NPS: variants seen among roughly 807,000 people sequenced by gnomAD.
NPS encodes neuropeptide S, also known as prepro-neuropeptide S.
In NPS, 6 loss-of-function variants were observed where a neutral mutation model predicts 7.2. The ratio of observed to expected loss-of-function variants is 0.83; its 90% CI spans 0.46 to 1.64. The LOEUF is 1.64. Among genes scored for constraint, NPS ranks in the 40% most tolerant of loss-of-function variants. The pLI is 0.01. For missense variants in NPS, 123 were observed against 97.8 expected (o/e 1.26, Z -1.09); for synonymous variants, 42 against 36.7 (o/e 1.14, Z -0.52).
At chr10:127,552,344 T>A (rs954144774) in intron 2 of NPS, 116 bp from the exon 3 acceptor site, 22 of 668,710 alleles carry the variant, frequency 3.3e-5, no homozygotes, top group Non-Finnish European at 5.0e-5. Flanking sequence ...CTTCTGCCTT[T>A]AAGATGATTG....
At chr10:127,552,346 A>G (rs988470025) in intron 2 of NPS, 114 bp from the exon 3 acceptor site, 42 of 670,120 alleles carry the variant, frequency 6.3e-5, no homozygotes, top group Non-Finnish European at 1.1e-4. Context: ...TCTGCCTTTA[A>G]GATGATTGAT....
At position 127,552,782 on chromosome 10, in the gene NPS, T is replaced by C. The variant is rs11018196; in HGVS notation, c.*143T>C. 0.055 allele frequency: 28,663 copies of C among 525,696 alleles called. 2,441 individuals carry two copies. The highest frequency in any genetic ancestry group is 0.24 in the East Asian group (7,959 of 32,732). 32.6% of individuals were successfully genotyped at this position (525,696 alleles called of 1,614,324 possible). On this transcript the variant is annotated 3_prime_UTR_variant, in exon 3 of 3. Transcript: ENST00000398023. The stretch of plus-strand genomic sequence containing the variant: ...CCTCTCCTGACTGGTACAGAGTAAA[T>C]TGAGTAAAAAAAGAAAAAAAATGTA...
chr10:127,552,377 C>T (rs4080381), intron 2 of NPS, 83 bp from the exon 3 acceptor site: 40,768 of 790,164 alleles, frequency 0.052, 3,322 homozygotes, highest in Admixed American at 0.26. Context: ...TATCGCCATA[C>T]GATTTTGAAA....
chr10:127,553,317 A>G lies in NPS; in HGVS notation c.*678A>G, dbSNP rs1407631679. 2.6e-5 allele frequency among the ~76,000 whole-genome samples: 4 copies of G among 152,136 alleles called. No individual in the cohort carries two copies. Among genetic ancestry groups the G allele is most frequent in the Non-Finnish European group, 5.9e-5 (4 of 68,032 alleles). On this transcript the variant is annotated 3_prime_UTR_variant, in exon 3 of 3. Coordinates refer to ENST00000398023, the MANE Select transcript of NPS (RefSeq NM_001030013.2). ...TAAGCACAGAAATGCTGCCAGTAAC[A>G]ACAACAACAGAGAGACTGAGAGTGC...
rs1844866427 is a variant in NPS at position 127,552,448 on chromosome 10, C to G, written c.91-12C>G. ...CTGTATTCTCTTTCTCCTCACCCAT[C>G]TGAATTGCCAGGTGTCTGGAAAATC... is the stretch of plus-strand genomic sequence containing the variant. On this transcript the variant is annotated splice_polypyrimidine_tract_variant and intron_variant, in intron 2 of 2. Transcript: ENST00000398023. 1 of 1,552,240 alleles carries G rather than the reference C, an allele frequency of 6.4e-7. No homozygotes were observed. The highest frequency in any genetic ancestry group is 8.9e-7 in the Non-Finnish European group (1 of 1,126,866).
Position 127,553,019 on chromosome 10 carries a change from C to G in NPS, c.*380C>G, listed in dbSNP as rs1303282732. Among the ~76,000 whole-genome samples the G allele has an allele frequency of 6.6e-6, 1 of 151,266 alleles. No homozygotes were observed. The highest frequency in any genetic ancestry group is 2.4e-5 in the African/African-American group (1 of 41,100). On this transcript the variant is annotated 3_prime_UTR_variant, in exon 3 of 3. Coordinates refer to ENST00000398023, the MANE Select transcript of NPS (RefSeq NM_001030013.2). ...CACGAATACTGTGATATTTGTTTTT[C>G]TTTTTAATACCGTTTTCTCAAATGA...
chr10:127,552,583 C>A lies in NPS; in HGVS notation c.214C>A (p.Arg72Ser), dbSNP rs192701723. Reference protein sequence around the residue: ...LEKMFVKRSFRNGVGTGMKKT... With the variant: ...LEKMFVKRSFSNGVGTGMKKT... The stretch of plus-strand genomic sequence containing the variant: ...GAAGATGTTTGTGAAAAGGTCCTTT[C>A]GCAATGGAGTTGGCACAGGGATGAA... Residue 72 changes from arginine (R) to serine (S), a missense_variant, in exon 3 of 3, where the codon CGC (arginine) becomes AGC (serine). Physicochemically the swap from Arg to Ser is moderately radical, Grantham distance 110 (BLOSUM62 -1). Transcript: ENST00000398023. 6.2e-7 allele frequency: 1 copy of A among 1,613,588 alleles called. No individual in the cohort carries two copies. Among genetic ancestry groups the A allele is most frequent in the Non-Finnish European group, 8.5e-7 (1 of 1,179,574 alleles).
At chr10:127,550,496 G>A (rs1272256306) in intron 2 of NPS, among the ~76,000 whole-genome samples, 1 of 152,070 alleles carries the variant, frequency 6.6e-6, no homozygotes, top group Admixed American at 6.5e-5. Context: ...AAGCTGATGA[G>A]TCACAATCCA....
chr10:127,552,298 G>T (rs1844865145), intron 2 of NPS, among the ~76,000 whole-genome samples, 162 bp from the exon 3 acceptor site: 1 of 152,146 alleles, frequency 6.6e-6, no homozygotes. Flanking sequence ...ATAATATTTT[G>T]TATCTAGATA....
rs1214707774 is a variant in NPS at position 127,552,559 on chromosome 10, A to C, written c.190A>C (p.Lys64Gln). 5.0e-6 allele frequency: 8 copies of C among 1,613,410 alleles called. No individual in the cohort carries two copies. In the African/African-American group the frequency reaches 9.3e-5, roughly 19 times the overall value. ...AGCTTTTCTAAAGCCAATTTTGGAGAAGATGTTTGTGAAAAGGTCCTTTCG... is the reference window on the plus strand; with the variant it reads ...AGCTTTTCTAAAGCCAATTTTGGAGCAGATGTTTGTGAAAAGGTCCTTTCG... Reference protein sequence around the residue: ...ELAFLKPILEKMFVKRSFRNG... With the variant: ...ELAFLKPILEQMFVKRSFRNG... The change falls in exon 3 of 3, where the codon AAG (lysine) becomes CAG (glutamine). Residue 64 changes from lysine to glutamine, a missense_variant. Coordinates refer to ENST00000398023, the MANE Select transcript of NPS (RefSeq NM_001030013.2).
In NPS at chr10:127,549,556, G is replaced by A. The variant is rs769985696; in HGVS notation, c.76G>A (p.Val26Ile). The A allele has an allele frequency of 1.9e-6, 3 of 1,602,258 alleles. No homozygotes were observed. Among genetic ancestry groups the A allele is most frequent in the Non-Finnish European group, 1.7e-6 (2 of 1,169,340 alleles). The change falls in exon 2 of 3, where the codon GTT (valine) becomes ATT (isoleucine). Residue 26 changes from valine to isoleucine, a missense_variant. Transcript: ENST00000398023. ...STMHVFWCYP[V>I]PSSKVSGKSD... ...AATGCATGTGTTTTGGTGTTATCCA[G>A]TTCCATCTTCTAAGGTAAGGATTTG...
intron 2 of NPS, among the ~76,000 whole-genome samples, chr10:127,551,603 A>G (rs1245760717): frequency 6.6e-6 from 1 of 152,194 alleles, no homozygotes; most frequent in Non-Finnish European, 1.5e-5. Context: ...TAGGAGTAGG[A>G]CAAGATGATG....
At chr10:127,549,450 G>A (rs1448003690) in intron 1 of NPS, 39 bp from the exon 2 acceptor site, 1 of 1,584,854 alleles carries the variant, frequency 6.3e-7, no homozygotes, top group Middle Eastern at 1.7e-4. Context: ...TTGCCTACTT[G>A]AGACTAAATC....
chr10:127,550,584 T>C lies in NPS; in HGVS notation c.90+1014T>C, dbSNP rs969492259. Among the ~76,000 whole-genome samples the C allele has an allele frequency of 5.3e-5, 8 of 152,224 alleles. 1 individual carries two copies. Among genetic ancestry groups the C allele is most frequent in the Non-Finnish European group, 7.3e-5 (5 of 68,028 alleles). On this transcript the variant is annotated intron_variant, in intron 2 of 2. Transcript: ENST00000398023. ...CAAAGGTTTACTCATGACATTTCTG[T>C]TGAATAACAGGCTCTTCTCTGTAGC...
Position 127,549,503 on chromosome 10 carries a change from A to G in NPS, c.23A>G (p.Asn8Ser), listed in dbSNP as rs145563824. The change falls in exon 2 of 3, where the codon AAT becomes AGT. Residue 8 changes from asparagine (N) to serine (S), a missense_variant. Physicochemically the swap from Asn to Ser is conservative, Grantham distance 46. Coordinates refer to ENST00000398023, the MANE Select transcript of NPS (RefSeq NM_001030013.2). The stretch of plus-strand genomic sequence containing the variant: ...CTACTTTGCAGCTCAGTAAAACTCA[A>G]TCTCATCCTAGTTCTGTCGCTGTCC... The part of the protein sequence containing the change: MISSVKL[N>S]LILVLSLSTM... 5.7e-4 allele frequency: 921 copies of G among 1,611,990 alleles called. 5 individuals are homozygous for G. In the African/African-American group the frequency reaches 9.8e-3, roughly 17 times the overall value.
At chr10:127,551,335 CG>C (rs1342905724) in intron 2 of NPS, among the ~76,000 whole-genome samples, 1 of 152,032 alleles carries the variant, frequency 6.6e-6, no homozygotes, top group African/African-American at 2.4e-5. Flanking sequence ...AAACCACCCA[CG>C]CGTGGGTGAA....
Position 127,549,583 on chromosome 10 carries a change from C to T in NPS, c.90+13C>T, listed in dbSNP as rs199812428. 6.7e-6 allele frequency: 10 copies of T among 1,489,266 alleles called. No homozygotes were observed. Among genetic ancestry groups the T allele is most frequent in the East Asian group, 4.5e-5 (2 of 44,256 alleles). The allele number at this position is 1,489,266 out of a possible 1,614,324, so 92.3% of individuals were successfully genotyped here. A position where few individuals can be genotyped will look rare whatever the true frequency, so the allele number is the denominator to read the frequency against. ...TCCATCTTCTAAGGTAAGGATTTGC[C>T]TCCGTTGTGGATATTTAAATAGATG... is the stretch of plus-strand genomic sequence containing the variant. On this transcript the variant is annotated intron_variant, in intron 2 of 2. Coordinates refer to ENST00000398023, the MANE Select transcript of NPS (RefSeq NM_001030013.2).
chr10:127,550,639 G>C (rs1477396710), intron 2 of NPS, among the ~76,000 whole-genome samples: 3 of 152,096 alleles, frequency 2.0e-5, no homozygotes, highest in Non-Finnish European at 2.9e-5. Context: ...AATGTACTTT[G>C]TTCTAAAATA....
chr10:127,552,694 A>T lies in NPS; in HGVS notation c.*55A>T. The stretch of plus-strand genomic sequence containing the variant: ...TCTAACTGTAGAGTGTGACTGACGT[A>T]CTCAAAGTCCATCGTCTCTTTATCA... On this transcript the variant is annotated 3_prime_UTR_variant, in exon 3 of 3. Coordinates refer to ENST00000398023, the MANE Select transcript of NPS (RefSeq NM_001030013.2). 1.7e-6 allele frequency: 2 copies of T among 1,162,808 alleles called. No homozygotes were observed. The highest frequency in any genetic ancestry group is 2.6e-6 in the Non-Finnish European group (2 of 784,080). 72.0% of individuals were successfully genotyped at this position (1,162,808 alleles called of 1,614,324 possible). A position where few individuals can be genotyped will look rare whatever the true frequency, so the allele number is the denominator to read the frequency against.
Sources: gnomAD v4.1 joint callset for allele counts (sites outside exome capture counted in the v4.1 genomes callset) on GRCh38, gnomAD v4.1.1 for gene constraint, MANE v1.5 for transcripts, NCBI Gene and HGNC (gene_info 2026-07-23, HGNC 2026-07-21) for gene names.